PALLD: variants seen among roughly 807,000 people sequenced by gnomAD.
PALLD encodes palladin.
A neutral mutation model predicts 123.5 loss-of-function variants in PALLD; 61 were observed. That is an observed-to-expected ratio of 0.49 (90% CI 0.40 to 0.61). PALLD has a LOEUF of 0.61. PALLD is among the 20% of genes least tolerant of loss of function. The probability of loss-of-function intolerance (pLI) is 0.00; values close to 1 mark genes in which losing one functional copy is unlikely to be tolerated. For missense variants in PALLD, 1,273 were observed against 1,377.0 expected (o/e 0.92, Z 1.20); for synonymous variants, 465 against 496.4 (o/e 0.94, Z 0.84).
At chr4:168,623,711 C>T (rs1774978673) in intron 2 of PALLD, among the ~76,000 whole-genome samples, 1 of 152,192 alleles carries the variant, frequency 6.6e-6, no homozygotes, top group African/African-American at 2.4e-5. Context: ...TATGACCTTA[C>T]TCTCAGGTGA....
intron 2 of PALLD, among the ~76,000 whole-genome samples, chr4:168,643,601 G>A (rs895248769): frequency 6.6e-6 from 1 of 151,998 alleles, no homozygotes; most frequent in African/African-American, 2.4e-5. Context: ...ATTCCCCTCC[G>A]CTAATGAACA....
intron 2 of PALLD, among the ~76,000 whole-genome samples, chr4:168,645,604 T>G (rs75338213): frequency 0.02 from 3,095 of 152,262 alleles, 106 homozygotes; most frequent in African/African-American, 0.07. Flanking sequence ...GGTTAGTACT[T>G]CTCTCATGGG....
chr4:168,556,103 T>C (rs928763069), intron 2 of PALLD, among the ~76,000 whole-genome samples: 1 of 147,002 alleles, frequency 6.8e-6, no homozygotes, highest in Non-Finnish European at 1.5e-5. Context: ...ATTAATACCC[T>C]TTTTTTTTTT....
At chr4:168,728,159 T>C (rs1270407508) in intron 10 of PALLD, among the ~76,000 whole-genome samples, 2 of 152,224 alleles carry the variant, frequency 1.3e-5, no homozygotes, top group African/African-American at 4.8e-5. Context: ...AACTTTGTTC[T>C]TTTTGTTTGG....
chr4:168,542,717 C>CATATATATATATAT lies in PALLD; in HGVS notation c.908+30338_908+30351dup, dbSNP rs70961531. ...ACATGTTTCTCCCAGCTAACCTTTC[C>CATATATATATATAT]ATATATATATATATATATATATATA... On this transcript the variant is annotated intron_variant, in intron 2 of 21. Coordinates refer to ENST00000505667, the MANE Select transcript of PALLD (RefSeq NM_001166108.2). Among the ~76,000 whole-genome samples the CATATATATATATAT allele has an allele frequency of 4.6e-4, 41 of 88,918 alleles. 1 individual carries two copies. Among genetic ancestry groups the CATATATATATATAT allele is most frequent in the Non-Finnish European group, 6.0e-4 (28 of 46,438 alleles). 58.3% of individuals were successfully genotyped at this position (88,918 alleles called of 152,430 possible). A position where few individuals can be genotyped will look rare whatever the true frequency, so the allele number is the denominator to read the frequency against.
intron 2 of PALLD, among the ~76,000 whole-genome samples, chr4:168,645,721 T>C (rs543394281): frequency 6.6e-6 from 1 of 152,314 alleles, no homozygotes; most frequent in South Asian, 2.1e-4. Flanking sequence ...AGTTATTTAT[T>C]TATCTCTGTG....
Position 168,708,556 on chromosome 4 carries a change from T to C in PALLD, c.1502-472T>C, listed in dbSNP as rs138861277. On this transcript the variant is annotated intron_variant, in intron 8 of 21. Coordinates refer to ENST00000505667, the MANE Select transcript of PALLD (RefSeq NM_001166108.2). ...AATAGTTGTCTACAGGTCAAACATA[T>C]ACAGGTCATGTTCTTTTTTCCCCCG... Among the ~76,000 whole-genome samples the C allele has an allele frequency of 3.3e-5, 5 of 152,332 alleles. No individual in the cohort carries two copies. In the East Asian group the frequency reaches 9.6e-4, roughly 29 times the overall value.
rs534044203 is a variant in PALLD, at chr4:168,760,326, G to A, written c.1964+48403G>A. Among the ~76,000 whole-genome samples the A allele has an allele frequency of 9.6e-4, 128 of 132,984 alleles. 1 individual carries two copies. Among genetic ancestry groups the A allele is most frequent in the Non-Finnish European group, 1.7e-3 (106 of 63,024 alleles). The allele number at this position is 132,984 out of a possible 152,430, so 87.2% of individuals were successfully genotyped here. A position where few individuals can be genotyped will look rare whatever the true frequency, so the allele number is the denominator to read the frequency against. The stretch of plus-strand genomic sequence containing the variant: ...AGTTCCCGGCTCTGGCAGTGGGTGC[G>A]GGGAGGCCTCAACACAGCCAGCCCC... On this transcript the variant is annotated intron_variant, in intron 10 of 21. Coordinates refer to ENST00000505667, the MANE Select transcript of PALLD (RefSeq NM_001166108.2).
At chr4:168,719,503 G>A (rs969574952) in intron 10 of PALLD, among the ~76,000 whole-genome samples, 1 of 151,972 alleles carries the variant, frequency 6.6e-6, no homozygotes, top group East Asian at 1.9e-4. Flanking sequence ...CAGGTGATCT[G>A]CCCGCCTTGG....
At position 168,898,580 on chromosome 4, in the gene PALLD, GA is replaced by G; in HGVS notation, c.2340del (p.Val781PhefsTer18). 1 of 1,613,684 alleles carries G rather than the reference GA, an allele frequency of 6.2e-7. No homozygotes were observed. ...ERSPVDESGDEVQYGDVPVEN... is the reference protein window; with the variant it reads ...ERSPVDESGDXVQYGDVPVEN... ...GTCTCCTGTGGATGAATCAGGTGAT[GA>G]AGTTCAGTATGGAGATGTGCCTGTG... On this transcript the variant is annotated frameshift_variant, in exon 14 of 22. Coordinates refer to ENST00000505667, the MANE Select transcript of PALLD (RefSeq NM_001166108.2). LOFTEE classifies it high-confidence loss of function.
rs142799064 is a variant in PALLD at position 168,780,061 on chromosome 4, A to C, written c.1964+68138A>C. Among the ~76,000 whole-genome samples the C allele has an allele frequency of 3.4e-3, 513 of 151,672 alleles. 1 individual carries two copies. Among genetic ancestry groups the C allele is most frequent in the Non-Finnish European group, 4.5e-3 (308 of 67,854 alleles). ...TTACAGGTGTGTGCCACCATGCCCG[A>C]CTAATTTTGGTATTTTTGGTAGAGA... is the stretch of plus-strand genomic sequence containing the variant. On this transcript the variant is annotated intron_variant, in intron 10 of 21. Coordinates refer to ENST00000505667, the MANE Select transcript of PALLD (RefSeq NM_001166108.2).
At chr4:168,902,942 T>C (rs894642887) in intron 14 of PALLD, among the ~76,000 whole-genome samples, 1 of 152,006 alleles carries the variant, frequency 6.6e-6, no homozygotes, top group Non-Finnish European at 1.5e-5. Flanking sequence ...CAGATAATTT[T>C]TTTATTTTTT....
chr4:168,891,140 TA>T, intron 11 of PALLD, 83 bp downstream of exon 11: 1 of 1,354,310 alleles, frequency 7.4e-7, no homozygotes, highest in Non-Finnish European at 1.1e-6. Flanking sequence ...AGGTTCTTGA[TA>T]TTTGTCCACA....
intron 10 of PALLD, among the ~76,000 whole-genome samples, chr4:168,807,152 C>G (rs530938845): frequency 1.3e-5 from 2 of 151,970 alleles, no homozygotes; most frequent in East Asian, 3.9e-4. Flanking sequence ...AGAAAGCAAC[C>G]TAAGTAAAAG....
intron 2 of PALLD, among the ~76,000 whole-genome samples, chr4:168,643,226 C>T (rs531987170): frequency 1.1e-4 from 16 of 152,154 alleles, no homozygotes; most frequent in Non-Finnish European, 1.0e-4. Context: ...GGTTTGCTAA[C>T]CACAGTGGAA....
chr4:168,722,198 C>G lies in PALLD; in HGVS notation c.1964+10275C>G, dbSNP rs570803444. Among the ~76,000 whole-genome samples the G allele has an allele frequency of 5.3e-5, 8 of 152,236 alleles. No homozygotes were observed. In the South Asian group the frequency reaches 1.5e-3, roughly 28 times the overall value. On this transcript the variant is annotated intron_variant, in intron 10 of 21. Coordinates refer to ENST00000505667, the MANE Select transcript of PALLD (RefSeq NM_001166108.2). ...TAGCTGGGACTACAAGTGCACAACA[C>G]CACACCCAGCTATTTTTTTTATTTT...
intron 3 of PALLD, among the ~76,000 whole-genome samples, chr4:168,669,648 T>C (rs1012054905): frequency 6.6e-6 from 1 of 152,292 alleles, no homozygotes; most frequent in Admixed American, 6.5e-5. Flanking sequence ...TACTGATGAC[T>C]AAAAGTATGT....
chr4:168,835,645 G>GAAAAAAAAAAA, intron 10 of PALLD, among the ~76,000 whole-genome samples: 2 of 131,926 alleles, frequency 1.5e-5, no homozygotes, highest in Non-Finnish European at 1.8e-5. Context: ...TTTAAGAGAG[G>GAAAAAAAAAAA]ATAAAGAATT....
intron 1 of PALLD, among the ~76,000 whole-genome samples, chr4:168,510,490 C>G (rs976800794): frequency 1.3e-5 from 2 of 152,116 alleles, no homozygotes; most frequent in African/African-American, 4.8e-5. Context: ...TACTACCTCC[C>G]ATGACTTTTA....
Sources: gnomAD v4.1 joint callset for allele counts (sites outside exome capture counted in the v4.1 genomes callset) on GRCh38, gnomAD v4.1.1 for gene constraint, MANE v1.5 for transcripts, NCBI Gene and HGNC (gene_info 2026-07-23, HGNC 2026-07-21) for gene names.